Variants in CADPS observed in about 807,000 individuals in gnomAD.
CADPS encodes calcium dependent secretion activator.
A neutral mutation model predicts 167.3 loss-of-function variants in CADPS; 57 were observed. That is an observed-to-expected ratio of 0.34 (90% confidence interval 0.28 to 0.42). The LOEUF (loss-of-function observed/expected upper bound fraction) is 0.42, where lower values mean the gene tolerates loss of function less well. CADPS is among the 20% of genes least tolerant of loss of function. The probability of loss-of-function intolerance (pLI) is 1.00; values close to 1 mark genes in which losing one functional copy is unlikely to be tolerated. For synonymous variants in CADPS, 676 were observed against 635.3 expected (o/e 1.06, Z -0.96); for missense variants, 1,414 against 1,738.1 (o/e 0.81, Z 3.32).
At chr3:62,568,599 T>G (rs1339905917) in intron 9 of CADPS, among the ~76,000 whole-genome samples, 1 of 152,204 alleles carries the variant, frequency 6.6e-6, no homozygotes, top group South Asian at 2.1e-4. Flanking sequence ...TGGCTTCCTT[T>G]GTTTTGAGGC....
chr3:62,599,834 AATATATTATATATATATAAT>A (rs2059640707), intron 6 of CADPS, among the ~76,000 whole-genome samples: 1 of 2,562 alleles, frequency 3.9e-4, no homozygotes, highest in African/African-American at 5.6e-4. Context: ...TTATATATAT[AATATATTATATATATATAAT>A]ATATATAATA....
intron 28 of CADPS, among the ~76,000 whole-genome samples, chr3:62,409,518 TGA>T (rs2048547415): frequency 6.6e-6 from 1 of 152,222 alleles, no homozygotes; most frequent in Non-Finnish European, 1.5e-5. Flanking sequence ...AACTGATGGA[TGA>T]GAGACAATCA....
chr3:62,610,457 G>A (rs1361088939), intron 6 of CADPS, among the ~76,000 whole-genome samples: 4 of 152,042 alleles, frequency 2.6e-5, no homozygotes, highest in Non-Finnish European at 5.9e-5. Flanking sequence ...CACCGGGTTG[G>A]CCAGGCTGGT....
chr3:62,550,181 T>G, intron 10 of CADPS, 66 bp from the exon 11 acceptor site: 1 of 1,317,530 alleles, frequency 7.6e-7, no homozygotes, highest in South Asian at 1.2e-5. Context: ...GGACTCAGCC[T>G]TTGAAAAAGC....
chr3:62,700,733 G>A (rs768212141), intron 3 of CADPS, among the ~76,000 whole-genome samples: 1 of 152,088 alleles, frequency 6.6e-6, no homozygotes, highest in African/African-American at 2.4e-5. Flanking sequence ...CTTATGCTCA[G>A]TTTAGGGCTG....
Position 62,556,195 on chromosome 3 carries a change from A to T in CADPS, c.1753+1210T>A, listed in dbSNP as rs2078118543. Among the ~76,000 whole-genome samples the T allele has an allele frequency of 2.0e-5, 3 of 152,200 alleles. No individual in the cohort carries two copies. The South Asian group carries it at 6.2e-4, about 32-fold the overall frequency. On this transcript the variant is annotated intron_variant, in intron 10 of 29. Coordinates refer to ENST00000383710, the MANE Select transcript of CADPS (RefSeq NM_003716.4). Reference sequence around the variant, plus strand: ...TCCTTTCCATGAGAAGTTGCATGAAATTGTTTGTTTCAAACTCGTTGGTTC... The same window carrying T: ...TCCTTTCCATGAGAAGTTGCATGAATTTGTTTGTTTCAAACTCGTTGGTTC...
intron 18 of CADPS, among the ~76,000 whole-genome samples, chr3:62,498,912 C>A (rs2065244598): frequency 6.6e-6 from 1 of 152,190 alleles, no homozygotes; most frequent in African/African-American, 2.4e-5. Flanking sequence ...TTAAAAAGCA[C>A]TCACCTCATT....
At chr3:62,733,188 G>T (rs533791464) in intron 3 of CADPS, among the ~76,000 whole-genome samples, 1 of 152,024 alleles carries the variant, frequency 6.6e-6, no homozygotes, top group African/African-American at 2.4e-5. Context: ...ATCACAGTTG[G>T]GGTCACCCAT....
intron 3 of CADPS, among the ~76,000 whole-genome samples, chr3:62,737,486 G>A (rs201596427): frequency 8.0e-6 from 1 of 124,552 alleles, no homozygotes; most frequent in Non-Finnish European, 1.6e-5. Flanking sequence ...AAAAAAAAAA[G>A]CAAAAAAAAG....
chr3:62,780,876 T>C (rs370116902), intron 1 of CADPS, among the ~76,000 whole-genome samples: 7 of 152,232 alleles, frequency 4.6e-5, no homozygotes, highest in Non-Finnish European at 1.0e-4. Context: ...ATATGAGTCA[T>C]GTTTTTAACT....
chr3:62,672,728 A>T (rs922552090), intron 3 of CADPS, among the ~76,000 whole-genome samples: 2 of 152,122 alleles, frequency 1.3e-5, no homozygotes, highest in African/African-American at 4.8e-5. Context: ...GGCTGAAGTG[A>T]TTCTTCCACC....
Position 62,734,689 on chromosome 3 carries a change from C to T in CADPS, c.888+18752G>A, listed in dbSNP as rs561860087. Among the ~76,000 whole-genome samples, 4 of 152,176 alleles carry T rather than the reference C, an allele frequency of 2.6e-5. No individual in the cohort carries two copies. The South Asian group carries it at 8.3e-4, about 32-fold the overall frequency. ...ACTGTATTCTATTGTATGGCTATGCCATAGTTTGTCCATTCTACTACTGAT... is the reference window on the plus strand; with the variant it reads ...ACTGTATTCTATTGTATGGCTATGCTATAGTTTGTCCATTCTACTACTGAT... On this transcript the variant is annotated intron_variant, in intron 3 of 29. Coordinates refer to ENST00000383710, the MANE Select transcript of CADPS (RefSeq NM_003716.4).
intron 8 of CADPS, among the ~76,000 whole-genome samples, chr3:62,579,846 C>T (rs1366282912): frequency 3.3e-5 from 5 of 151,988 alleles, no homozygotes; most frequent in African/African-American, 1.2e-4. Context: ...AGGAAATAGG[C>T]TACTGGGAGG....
intron 1 of CADPS, among the ~76,000 whole-genome samples, chr3:62,803,805 G>C (rs1403691223): frequency 6.6e-6 from 1 of 151,946 alleles, no homozygotes; most frequent in African/African-American, 2.4e-5. Context: ...TAATTTTCAG[G>C]GTAACTTCAA....
At position 62,853,699 on chromosome 3, in the gene CADPS, G is replaced by A. The variant is rs184611671; in HGVS notation, c.441+20890C>T. ...ATGACAGCCAGGCCCAGTGGCTCAC[G>A]CCTATAATCCCAGCCCTTTGGGAGC... On this transcript the variant is annotated intron_variant, in intron 1 of 29. Transcript: ENST00000383710. 1.5e-3 allele frequency among the ~76,000 whole-genome samples: 228 copies of A among 151,580 alleles called. 1 individual carries two copies. The highest frequency in any genetic ancestry group is 5.0e-3 in the African/African-American group (207 of 41,332).
chr3:62,483,373 G>T (rs1422109135), intron 21 of CADPS, among the ~76,000 whole-genome samples: 4 of 145,302 alleles, frequency 2.8e-5, no homozygotes, highest in African/African-American at 5.1e-5. Context: ...TTAGGGGGTG[G>T]GGGGGTGGAG....
chr3:62,714,907 C>A (rs1564201253), intron 3 of CADPS, among the ~76,000 whole-genome samples: 1 of 151,994 alleles, frequency 6.6e-6, no homozygotes, highest in African/African-American at 2.4e-5. Flanking sequence ...ATTCAGAGAA[C>A]AATTTAAATT....
intron 3 of CADPS, among the ~76,000 whole-genome samples, chr3:62,737,337 C>T (rs2079183439): frequency 6.6e-6 from 1 of 151,476 alleles, no homozygotes; most frequent in East Asian, 2.0e-4. Context: ...GGTGTGGTGG[C>T]ACATGCCTGT....
intron 9 of CADPS, among the ~76,000 whole-genome samples, chr3:62,559,403 T>C (rs2078747781): frequency 6.6e-6 from 1 of 152,156 alleles, no homozygotes; most frequent in African/African-American, 2.4e-5. Flanking sequence ...ACCAGGCCTT[T>C]CCAACTTGTT....
Sources: gnomAD v4.1 joint callset for allele counts (sites outside exome capture counted in the v4.1 genomes callset) on GRCh38, gnomAD v4.1.1 for gene constraint, MANE v1.5 for transcripts, NCBI Gene and HGNC (gene_info 2026-07-23, HGNC 2026-07-21) for gene names.